Variants in EXOC5 observed in about 807,000 individuals in gnomAD.
EXOC5 encodes the protein SEC10-like 1.
In EXOC5, 17 loss-of-function variants were observed where a neutral mutation model predicts 90.8. That is an observed-to-expected ratio of 0.19 (90% CI 0.13 to 0.28). EXOC5 has a LOEUF of 0.28. Among genes scored for constraint, EXOC5 ranks in the 10% least tolerant of loss-of-function variants. EXOC5 has a pLI of 1.00. For synonymous variants in EXOC5, 260 were observed against 270.0 expected (o/e 0.96, Z 0.36); for missense variants, 569 against 830.6 (o/e 0.69, Z 3.87).
intron 13 of EXOC5, among the ~76,000 whole-genome samples, chr14:57,220,208 C>A (rs1044979898): frequency 6.6e-6 from 1 of 151,382 alleles, no homozygotes; most frequent in South Asian, 2.1e-4. Flanking sequence ...CCCTCCGCCC[C>A]CCCTGCCCCC....
At chr14:57,267,168 G>T (rs1415057874) in intron 1 of EXOC5, among the ~76,000 whole-genome samples, 3 of 152,154 alleles carry the variant, frequency 2.0e-5, no homozygotes, top group Non-Finnish European at 4.4e-5. Flanking sequence ...CAGGAAAAAT[G>T]TCTCCCCGTT....
intron 1 of EXOC5, among the ~76,000 whole-genome samples, chr14:57,253,987 A>T (rs964954085): frequency 6.6e-6 from 1 of 152,214 alleles, no homozygotes; most frequent in African/African-American, 2.4e-5. Context: ...AAAGAAAAAA[A>T]TAGACCAATC....
Position 57,205,581 on chromosome 14 carries a change from T to C in EXOC5, c.*3028A>G, listed in dbSNP as rs1028284193. On this transcript the variant is annotated 3_prime_UTR_variant, in exon 18 of 18. Coordinates refer to ENST00000621441, the MANE Select transcript of EXOC5 (RefSeq NM_006544.4). Reference sequence around the variant, plus strand: ...TGGCATTTCAAAAATCAAAATCTCTTTATCCAGATCCTTGTAAATATTCAC... The same window carrying C: ...TGGCATTTCAAAAATCAAAATCTCTCTATCCAGATCCTTGTAAATATTCAC... The C allele has an allele frequency of 6.9e-6, 2 of 290,864 alleles. No homozygotes were observed. Among genetic ancestry groups the C allele is most frequent in the Non-Finnish European group, 1.3e-5 (2 of 151,906 alleles). 18.0% of individuals were successfully genotyped at this position (290,864 alleles called of 1,614,324 possible). A position where few individuals can be genotyped will look rare whatever the true frequency, so the allele number is the denominator to read the frequency against.
intron 1 of EXOC5, among the ~76,000 whole-genome samples, chr14:57,267,928 C>CT (rs986264796): frequency 6.6e-6 from 1 of 151,976 alleles, no homozygotes; most frequent in African/African-American, 2.4e-5. Flanking sequence ...ATTTTATAAA[C>CT]TTTTTTTATT....
At chr14:57,234,864 C>T (rs1883611827) in intron 7 of EXOC5, among the ~76,000 whole-genome samples, 1 of 152,076 alleles carries the variant, frequency 6.6e-6, no homozygotes, top group South Asian at 2.1e-4. Flanking sequence ...TGCGCCTGGC[C>T]TTCTCTAGCA....
intron 12 of EXOC5, among the ~76,000 whole-genome samples, chr14:57,228,895 C>A (rs983741945): frequency 3.4e-5 from 5 of 148,342 alleles, no homozygotes; most frequent in African/African-American, 9.9e-5. Context: ...ATATTATGTA[C>A]TATAAAATTA....
At position 57,205,734 on chromosome 14, in the gene EXOC5, G is replaced by C. The variant is rs762055848; in HGVS notation, c.*2875C>G. 2.6e-6 allele frequency: 1 copy of C among 383,216 alleles called. No individual in the cohort carries two copies. The highest frequency in any genetic ancestry group is 2.1e-5 in the African/African-American group (1 of 46,660). 23.7% of individuals were successfully genotyped at this position (383,216 alleles called of 1,614,324 possible). A position where few individuals can be genotyped will look rare whatever the true frequency, so the allele number is the denominator to read the frequency against. On this transcript the variant is annotated 3_prime_UTR_variant, in exon 18 of 18. Coordinates refer to ENST00000621441, the MANE Select transcript of EXOC5 (RefSeq NM_006544.4). ...TAGTATTTAGAAAGCAAAATATTTA[G>C]AAGTGAAAGAGGGGGGAAAAAAGAA...
intron 12 of EXOC5, among the ~76,000 whole-genome samples, chr14:57,226,858 C>T (rs1389794422): frequency 1.3e-5 from 2 of 152,018 alleles, no homozygotes; most frequent in African/African-American, 2.4e-5. Flanking sequence ...AACATAAAGC[C>T]TCAAACTATA....
intron 15 of EXOC5, among the ~76,000 whole-genome samples, chr14:57,216,290 A>AAC (rs1882971658): frequency 6.6e-6 from 1 of 151,950 alleles, no homozygotes; most frequent in East Asian, 1.9e-4. Flanking sequence ...AAAAAAAAAA[A>AAC]ACACTAAAAT....
At chr14:57,229,554 A>C (rs937087395) in intron 12 of EXOC5, among the ~76,000 whole-genome samples, 180 bp downstream of exon 12, 4 of 152,198 alleles carry the variant, frequency 2.6e-5, no homozygotes, top group African/African-American at 9.6e-5. Flanking sequence ...AATTATAAGT[A>C]ATCTACAGAC....
chr14:57,222,504 T>G, intron 12 of EXOC5, 88 bp from the exon 13 acceptor site: 1 of 628,994 alleles, frequency 1.6e-6, no homozygotes, highest in Admixed American at 2.9e-5. Context: ...TTTTATAGGA[T>G]GTAGTCAGTG....
intron 1 of EXOC5, among the ~76,000 whole-genome samples, chr14:57,265,027 A>C (rs1884626720): frequency 6.6e-6 from 1 of 152,196 alleles, no homozygotes. Context: ...TGGTGAAAAA[A>C]GTTGGGGAAA....
chr14:57,268,422 C>T, intron 1 of EXOC5, 200 bp downstream of exon 1: 1 of 1,429,170 alleles, frequency 7.0e-7, no homozygotes, highest in Non-Finnish European at 9.2e-7. Context: ...GCCGCCCAGC[C>T]CACCTCGGCC....
chr14:57,218,787 TAAAC>T (rs1277436699), intron 14 of EXOC5, among the ~76,000 whole-genome samples: 1 of 152,094 alleles, frequency 6.6e-6, no homozygotes, highest in African/African-American at 2.4e-5. Context: ...ATAATAGTGT[TAAAC>T]AGATAATTCT....
At chr14:57,249,088 AGCTAAAATT>A (rs1475563537) in intron 1 of EXOC5, among the ~76,000 whole-genome samples, 2 of 152,146 alleles carry the variant, frequency 1.3e-5, no homozygotes, top group Non-Finnish European at 2.9e-5. Context: ...TGGTGATGAC[AGCTAAAATT>A]TTTTAAGTAC....
chr14:57,238,414 T>TCACACACACACA (rs1286800929), intron 5 of EXOC5, among the ~76,000 whole-genome samples: 1 of 87,654 alleles, frequency 1.1e-5, no homozygotes, highest in African/African-American at 3.4e-5. Flanking sequence ...ACACACATAT[T>TCACACACACACA]CATATTCATA....
chr14:57,209,556 T>G lies in EXOC5; in HGVS notation c.1938+11A>C, dbSNP rs1251698300. 6.4e-7 allele frequency: 1 copy of G among 1,557,280 alleles called. No homozygotes were observed. Among genetic ancestry groups the G allele is most frequent in the African/African-American group, 1.4e-5 (1 of 72,548 alleles). On this transcript the variant is annotated intron_variant, in intron 17 of 17. Coordinates refer to ENST00000621441, the MANE Select transcript of EXOC5 (RefSeq NM_006544.4). Reference sequence around the variant, plus strand: ...CCTATTTGCAAGTTTGATGTTTTTGTGTACACATACCTTGAAGTCTTTGGC... The same window carrying G: ...CCTATTTGCAAGTTTGATGTTTTTGGGTACACATACCTTGAAGTCTTTGGC...
intron 9 of EXOC5, 60 bp from the exon 10 acceptor site, chr14:57,232,809 A>C: frequency 1.1e-5 from 9 of 803,038 alleles, no homozygotes; most frequent in Non-Finnish European, 1.8e-5. Context: ...ACAACTTCTC[A>C]AGATATTTTT....
intron 11 of EXOC5, among the ~76,000 whole-genome samples, chr14:57,230,258 T>G (rs910117856): frequency 1.3e-5 from 2 of 152,204 alleles, no homozygotes; most frequent in African/African-American, 4.8e-5. Flanking sequence ...TTTTAAAATA[T>G]AGTCATTTTA....
Sources: gnomAD v4.1 joint callset for allele counts (sites outside exome capture counted in the v4.1 genomes callset) on GRCh38, gnomAD v4.1.1 for gene constraint, MANE v1.5 for transcripts, NCBI Gene and HGNC (gene_info 2026-07-23, HGNC 2026-07-21) for gene names.